Variants in ANAPC1 observed in about 807,000 individuals in gnomAD.
ANAPC1 encodes anaphase-promoting complex subunit 1.
Under a neutral mutation model 208.0 loss-of-function variants are expected in ANAPC1, and 36 were observed. That is an observed-to-expected ratio of 0.17 (90% confidence interval 0.13 to 0.23). ANAPC1 has a LOEUF of 0.23. ANAPC1 is among the 10% of genes least tolerant of loss of function. ANAPC1 has a pLI of 1.00. For synonymous variants in ANAPC1, 378 were observed against 695.2 expected (o/e 0.54, Z 7.18); for missense variants, 942 against 2,011.6 (o/e 0.47, Z 10.17).
chr2:111,832,655 C>T (rs1427735820), intron 20 of ANAPC1, among the ~76,000 whole-genome samples: 7 of 152,066 alleles, frequency 4.6e-5, no homozygotes, highest in East Asian at 1.9e-4. Flanking sequence ...GGTGGCCTGG[C>T]GCGGTGGCTC....
At chr2:111,854,464 A>G (rs1681589215) in intron 13 of ANAPC1, among the ~76,000 whole-genome samples, 1 of 152,162 alleles carries the variant, frequency 6.6e-6, no homozygotes. Flanking sequence ...CTAACAAGAG[A>G]GTCAGACTGT....
At chr2:111,810,983 C>T (rs1678962719) in intron 28 of ANAPC1, among the ~76,000 whole-genome samples, 1 of 151,556 alleles carries the variant, frequency 6.6e-6, no homozygotes, top group Admixed American at 6.6e-5. Flanking sequence ...GAGCAATGGT[C>T]GATCCCCCTT....
intron 27 of ANAPC1, among the ~76,000 whole-genome samples, chr2:111,816,479 C>T (rs1346309325): frequency 6.6e-6 from 1 of 151,788 alleles, no homozygotes; most frequent in Admixed American, 6.6e-5. Context: ...TTCAAAAGGG[C>T]ATTCACCAGA....
chr2:111,775,806 G>A (rs1185358922), intron 46 of ANAPC1, among the ~76,000 whole-genome samples: 3 of 152,130 alleles, frequency 2.0e-5, no homozygotes, highest in African/African-American at 4.8e-5. Context: ...GAATAAAAAC[G>A]AAACACGAAA....
rs751171994 is a variant in ANAPC1 at position 111,873,324 on chromosome 2, G to A, written c.512C>T (p.Ala171Val). The stretch of plus-strand genomic sequence containing the variant: ...CTTGTTTACCTGAAATGGTAATGAA[G>A]CTATGTAATCCTTTCCTTCTATGCT... ...MHSIEGKDYI[A>V]SLPFQVANVW... The change falls in exon 5 of 48, where the codon GCT (alanine) becomes GTT (valine). Residue 171 changes from alanine (A) to valine (V), a missense_variant. Ala to Val is a moderately conservative substitution (Grantham distance 64). Transcript: ENST00000341068. The A allele has an allele frequency of 6.2e-6, 10 of 1,603,830 alleles. No individual in the cohort carries two copies. Among genetic ancestry groups the A allele is most frequent in the Non-Finnish European group, 7.7e-6 (9 of 1,175,584 alleles).
intron 21 of ANAPC1, among the ~76,000 whole-genome samples, chr2:111,830,580 G>A (rs1210727399): frequency 6.6e-6 from 1 of 151,942 alleles, no homozygotes; most frequent in Non-Finnish European, 1.5e-5. Flanking sequence ...GACAAGACAA[G>A]GTAGAAACCA....
At position 111,834,838 on chromosome 2, in the gene ANAPC1, T is replaced by C. The variant is rs746954116; in HGVS notation, c.2150A>G (p.Gln717Arg). 1 of 1,605,362 alleles carries C rather than the reference T, an allele frequency of 6.2e-7. No individual in the cohort carries two copies. Among genetic ancestry groups the C allele is most frequent in the Non-Finnish European group, 8.5e-7 (1 of 1,176,938 alleles). Residue 717 changes from glutamine to arginine, a missense_variant, in exon 19 of 48, where the codon CAG (glutamine) becomes CGG (arginine). By Grantham distance (43) the Gln-to-Arg change is conservative. Transcript: ENST00000341068. ...GTTCAAAAGATGAGACTCAACATTC[T>C]GGTGGTAGTCTGAATTTAGTAAATA... is the stretch of plus-strand genomic sequence containing the variant. ...WEYLLNSDYH[Q>R]NVESHLLNRS...
intron 21 of ANAPC1, among the ~76,000 whole-genome samples, chr2:111,829,429 A>G (rs1225945128): frequency 6.6e-6 from 1 of 152,164 alleles, no homozygotes; most frequent in Non-Finnish European, 1.5e-5. Context: ...CAGTCTGCCA[A>G]CATTTGAGAG....
chr2:111,831,176 T>C (rs1258715390), intron 21 of ANAPC1, 110 bp downstream of exon 21: 4 of 1,003,984 alleles, frequency 4.0e-6, no homozygotes, highest in Non-Finnish European at 5.7e-6. Context: ...TCTATACACG[T>C]ACTGAAATTC....
In ANAPC1 at chr2:111,782,356, T is replaced by C. The variant is rs1255641506; in HGVS notation, c.5202+13A>G. Reference sequence around the variant, plus strand: ...AATTATTTCTTTCCGTTTTTACCAATCAATAATACTACCTTGAAAGCCCGG... The same window carrying C: ...AATTATTTCTTTCCGTTTTTACCAACCAATAATACTACCTTGAAAGCCCGG... On this transcript the variant is annotated intron_variant, in intron 43 of 47. Transcript: ENST00000341068. 1 of 1,613,144 alleles carries C rather than the reference T, an allele frequency of 6.2e-7. No homozygotes were observed. Among genetic ancestry groups the C allele is most frequent in the Non-Finnish European group, 8.5e-7 (1 of 1,179,470 alleles).
intron 28 of ANAPC1, among the ~76,000 whole-genome samples, chr2:111,810,882 CAAAAAAAAA>C (rs1162540899): frequency 2.8e-5 from 2 of 71,810 alleles, no homozygotes; most frequent in Non-Finnish European, 2.5e-5. Flanking sequence ...GACTCCACAT[CAAAAAAAAA>C]AAAAAAAAAA....
chr2:111,843,159 T>C (rs1448767611), intron 17 of ANAPC1, among the ~76,000 whole-genome samples: 2 of 152,244 alleles, frequency 1.3e-5, no homozygotes, highest in East Asian at 1.9e-4. Flanking sequence ...GCAGTCATTT[T>C]ACAAAGGTGA....
chr2:111,854,617 C>G (rs1291837109), intron 13 of ANAPC1, among the ~76,000 whole-genome samples: 2 of 152,218 alleles, frequency 1.3e-5, no homozygotes, highest in Admixed American at 6.5e-5. Context: ...GCTTCTACAT[C>G]AGCACATGCT....
At chr2:111,787,183 G>A (rs1320652223) in intron 39 of ANAPC1, among the ~76,000 whole-genome samples, 2 of 151,890 alleles carry the variant, frequency 1.3e-5, no homozygotes, top group Non-Finnish European at 1.5e-5. Context: ...TCACCAAATG[G>A]AAAATGGCTT....
chr2:111,872,558 A>C (rs1682811095), intron 6 of ANAPC1, 72 bp downstream of exon 6: 1 of 1,306,388 alleles, frequency 7.7e-7, no homozygotes, highest in African/African-American at 1.5e-5. Flanking sequence ...TCAAACTTTT[A>C]GATAAACCTC....
chr2:111,853,573 C>T (rs972575691), intron 13 of ANAPC1, among the ~76,000 whole-genome samples: 4 of 151,980 alleles, frequency 2.6e-5, no homozygotes, highest in African/African-American at 9.7e-5. Flanking sequence ...GTGACTTCCT[C>T]CACTGAAGTT....
chr2:111,767,248 C>T (rs3934109), downstream of ANAPC1, among the ~76,000 whole-genome samples: 16,127 of 151,232 alleles, frequency 0.11, 1,308 homozygotes, highest in East Asian at 0.34. Context: ...GTGACTACTT[C>T]GGGCCAACAG....
Position 111,772,392 on chromosome 2 carries a change from C to T in ANAPC1, c.5668G>A (p.Val1890Ile), listed in dbSNP as rs746095622. Reference sequence around the variant, plus strand: ...TGTGGAGCTGGCACAGAGTGGTAGACGAGGAAGCAGGCCAGCATGCTCAGC... The same window carrying T: ...TGTGGAGCTGGCACAGAGTGGTAGATGAGGAAGCAGGCCAGCATGCTCAGC... ...SQLSMLACFL[V>I]YHSVPAPQHL... The change falls in exon 47 of 48, where the codon GTC (valine) becomes ATC (isoleucine). Residue 1890 changes from valine (V) to isoleucine (I), a missense_variant. Val to Ile is a conservative substitution (Grantham distance 29). Transcript: ENST00000341068. 1.7e-5 allele frequency: 28 copies of T among 1,607,624 alleles called. No homozygotes were observed. The highest frequency in any genetic ancestry group is 6.8e-5 in the African/African-American group (5 of 73,728).
chr2:111,829,557 AG>A (rs1680019665), intron 21 of ANAPC1, among the ~76,000 whole-genome samples: 2 of 152,234 alleles, frequency 1.3e-5, no homozygotes, highest in Admixed American at 1.3e-4. Context: ...AGGTATGCCA[AG>A]AAACTTACCT....
Sources: allele counts gnomAD v4.1 joint callset (sites outside exome capture counted in the v4.1 genomes callset), GRCh38; gene constraint gnomAD v4.1.1; transcripts MANE v1.5; gene names NCBI Gene and HGNC (gene_info 2026-07-23, HGNC 2026-07-21).